ERG: variants seen among roughly 807,000 people sequenced by gnomAD.
The protein encoded by ERG is ETS transcription factor ERG, also known as transcriptional regulator ERG.
Under a neutral mutation model 55.3 loss-of-function variants are expected in ERG, and 9 were observed. The ratio of observed to expected loss-of-function variants is 0.16; its 90% CI spans 0.10 to 0.28. The LOEUF (loss-of-function observed/expected upper bound fraction) is 0.28. ERG is among the 10% of genes least tolerant of loss of function. The pLI is 1.00. For missense variants in ERG, 434 were observed against 631.6 expected (o/e 0.69, Z 3.35); for synonymous variants, 223 against 237.3 (o/e 0.94, Z 0.55).
intron 1 of ERG, among the ~76,000 whole-genome samples, chr21:38,598,121 C>A (rs185663718): frequency 6.6e-6 from 1 of 152,126 alleles, no homozygotes; most frequent in Non-Finnish European, 1.5e-5. Flanking sequence ...ACTGTAAGCC[C>A]GACCTTGCTC....
At chr21:38,554,118 A>G (rs2059843038) in intron 2 of ERG, among the ~76,000 whole-genome samples, 1 of 152,234 alleles carries the variant, frequency 6.6e-6, no homozygotes, top group South Asian at 2.1e-4. Context: ...AAAGCAAACC[A>G]AAACCACCAT....
chr21:38,379,971 G>A, downstream of ERG: 1 of 994,528 alleles, frequency 1.0e-6, no homozygotes, highest in Non-Finnish European at 1.2e-6. Context: ...GATTACAGGT[G>A]TGAGTCAACA....
intron 1 of ERG, among the ~76,000 whole-genome samples, chr21:38,457,100 C>T (rs1001135555): frequency 5.9e-5 from 9 of 152,200 alleles, no homozygotes; most frequent in Admixed American, 2.0e-4. Context: ...CAATAGGGCT[C>T]TTTTGCCATC....
chr21:38,561,306 T>C (rs1179937378), intron 2 of ERG, among the ~76,000 whole-genome samples: 1 of 152,196 alleles, frequency 6.6e-6, no homozygotes, highest in Non-Finnish European at 1.5e-5. Flanking sequence ...ATTGCCAACA[T>C]TGTCTATTTT....
At chr21:38,549,518 C>G (rs1352960496) in intron 2 of ERG, among the ~76,000 whole-genome samples, 1 of 152,148 alleles carries the variant, frequency 6.6e-6, no homozygotes, top group Non-Finnish European at 1.5e-5. Flanking sequence ...CACACATATA[C>G]AGTAATGCAC....
chr21:38,408,690 T>C (rs1371443923), intron 3 of ERG, among the ~76,000 whole-genome samples: 4 of 152,250 alleles, frequency 2.6e-5, no homozygotes, highest in African/African-American at 9.6e-5. Context: ...CCACACTCCA[T>C]GGTATCTCAG....
At chr21:38,478,548 G>C (rs2059209607) in intron 1 of ERG, among the ~76,000 whole-genome samples, 1 of 152,000 alleles carries the variant, frequency 6.6e-6, no homozygotes, top group Non-Finnish European at 1.5e-5. Context: ...CGTAGACAAG[G>C]GCACACACAG....
At chr21:38,596,121 T>C (rs1008981448) in intron 1 of ERG, among the ~76,000 whole-genome samples, 5 of 151,654 alleles carry the variant, frequency 3.3e-5, no homozygotes, top group South Asian at 2.1e-4. Flanking sequence ...AATAAGCTCA[T>C]CACGAACCCA....
At chr21:38,534,814 C>A (rs1385140779) in intron 2 of ERG, among the ~76,000 whole-genome samples, 3 of 152,160 alleles carry the variant, frequency 2.0e-5, no homozygotes, top group African/African-American at 7.2e-5. Flanking sequence ...AAGGTCAAAG[C>A]AACCCAATCG....
At chr21:38,602,406 C>T (rs13052522) in intron 1 of ERG, among the ~76,000 whole-genome samples, 1 of 151,998 alleles carries the variant, frequency 6.6e-6, no homozygotes, top group Non-Finnish European at 1.5e-5. Context: ...GATTGTGCCA[C>T]TGCACTCCAG....
At chr21:38,488,992 C>T (rs939355135) in intron 1 of ERG, among the ~76,000 whole-genome samples, 1 of 152,196 alleles carries the variant, frequency 6.6e-6, no homozygotes, top group Admixed American at 6.5e-5. Context: ...GCTTATTCCC[C>T]TTGGAGAGGA....
intron 1 of ERG, among the ~76,000 whole-genome samples, chr21:38,487,401 C>T (rs894437582): frequency 6.6e-6 from 1 of 152,052 alleles, no homozygotes; most frequent in African/African-American, 2.4e-5. Context: ...TACTGCCTTT[C>T]TTTCTACAAT....
At chr21:38,384,064 G>T in intron 9 of ERG, 141 bp from the exon 10 acceptor site, 1 of 1,171,204 alleles carries the variant, frequency 8.5e-7, no homozygotes, top group Non-Finnish European at 1.2e-6. Flanking sequence ...TCCCTCAGCT[G>T]CAGGGGTGCG....
In ERG at chr21:38,470,257, CTATTATTAT is replaced by C. The variant is rs147294234; in HGVS notation, c.19-24645_19-24637del. Among the ~76,000 whole-genome samples the C allele has an allele frequency of 1.7e-4, 25 of 150,796 alleles. No homozygotes were observed. In the Middle Eastern group the frequency reaches 0.01, roughly 62 times the overall value. On this transcript the variant is annotated intron_variant, in intron 1 of 9. Transcript: ENST00000288319. ...ATAATAAGCACTCTATGAGTGTTTT[CTATTATTAT>C]TATTATTATTATTATTGTTATAATT...
intron 1 of ERG, among the ~76,000 whole-genome samples, chr21:38,468,940 G>A (rs149892641): frequency 0.023 from 3,297 of 140,880 alleles, 64 homozygotes; most frequent in Non-Finnish European, 0.031. Flanking sequence ...AACCAAGATC[G>A]CGCCACTGCA....
At chr21:38,508,010 G>C (rs115625147) in intron 2 of ERG, among the ~76,000 whole-genome samples, 10 of 34,570 alleles carry the variant, frequency 2.9e-4, no homozygotes, top group South Asian at 1.0e-3. Context: ...CACACACACA[G>C]AGACACACAA....
intron 5 of ERG, among the ~76,000 whole-genome samples, chr21:38,401,237 G>A (rs1194335587): frequency 6.6e-6 from 1 of 152,098 alleles, no homozygotes; most frequent in Non-Finnish European, 1.5e-5. Flanking sequence ...TTTAACAATA[G>A]CAAAATTTAA....
intron 1 of ERG, among the ~76,000 whole-genome samples, chr21:38,577,120 A>T (rs2836532): frequency 0.39 from 59,136 of 152,110 alleles, 11,745 homozygotes; most frequent in South Asian, 0.45. Context: ...TGATTACAGA[A>T]CTTGAGACAT....
At chr21:38,428,828 A>C (rs1223670054) in intron 2 of ERG, among the ~76,000 whole-genome samples, 1 of 152,196 alleles carries the variant, frequency 6.6e-6, no homozygotes, top group Non-Finnish European at 1.5e-5. Flanking sequence ...ATTGCAAATA[A>C]GCGTGGTTCA....
Sources: allele counts gnomAD v4.1 joint callset (sites outside exome capture counted in the v4.1 genomes callset), GRCh38; gene constraint gnomAD v4.1.1; transcripts MANE v1.5; gene names NCBI Gene and HGNC (gene_info 2026-07-23, HGNC 2026-07-21).